Variants in COLEC12 observed in about 807,000 individuals in gnomAD.
COLEC12 encodes the protein collectin-12.
In COLEC12, 33 loss-of-function variants were observed where a neutral mutation model predicts 71.1. The observed-to-expected ratio is 0.46, with a 90% CI of 0.35 to 0.62. The LOEUF is 0.62. Ranked by LOEUF, COLEC12 falls within the 20% of genes least tolerant of loss-of-function variation. COLEC12 has a pLI of 0.00. For synonymous variants in COLEC12, 350 were observed against 353.0 expected (o/e 0.99, Z 0.10); for missense variants, 765 against 916.1 (o/e 0.84, Z 2.13).
At chr18:357,198 G>T (rs1485655101) in intron 3 of COLEC12, among the ~76,000 whole-genome samples, 3 of 152,184 alleles carry the variant, frequency 2.0e-5, no homozygotes, top group African/African-American at 7.2e-5. Context: ...TTGCTGAAAT[G>T]AGTCAAAAGG....
At chr18:361,146 G>A (rs1484192930) in intron 2 of COLEC12, among the ~76,000 whole-genome samples, 1 of 152,096 alleles carries the variant, frequency 6.6e-6, no homozygotes, top group Non-Finnish European at 1.5e-5. Context: ...GCTTATTGAT[G>A]TTCACTTACT....
intron 1 of COLEC12, among the ~76,000 whole-genome samples, chr18:494,778 C>G (rs556832151): frequency 1.3e-5 from 2 of 152,272 alleles, no homozygotes; most frequent in South Asian, 2.1e-4. Flanking sequence ...GTGGCTTCTT[C>G]CACAGAGCCA....
At chr18:495,663 C>T (rs1356083809) in intron 1 of COLEC12, among the ~76,000 whole-genome samples, 5 of 152,182 alleles carry the variant, frequency 3.3e-5, no homozygotes, top group Non-Finnish European at 5.9e-5. Flanking sequence ...GTTCTAAGTC[C>T]GGATGATAGC....
chr18:380,969 G>A lies in COLEC12; in HGVS notation c.59-23447C>T, dbSNP rs376923444. Among the ~76,000 whole-genome samples the A allele has an allele frequency of 1.1e-4, 17 of 152,244 alleles. No individual in the cohort carries two copies. The South Asian group carries it at 1.9e-3, about 17-fold the overall frequency. ...CGGCCCCTGATGAGTGGTTCTATCTGGAGAGCCATATATTATTTCCATAGA... is the reference window on the plus strand; with the variant it reads ...CGGCCCCTGATGAGTGGTTCTATCTAGAGAGCCATATATTATTTCCATAGA... On this transcript the variant is annotated intron_variant, in intron 2 of 9. Transcript: ENST00000400256.
chr18:422,403 A>G (rs1916115971), intron 2 of COLEC12, among the ~76,000 whole-genome samples: 1 of 152,164 alleles, frequency 6.6e-6, no homozygotes, highest in Non-Finnish European at 1.5e-5. Flanking sequence ...CAAATGTTTG[A>G]GTATAATTTT....
At chr18:430,030 G>C (rs1222008501) in intron 2 of COLEC12, among the ~76,000 whole-genome samples, 1 of 152,130 alleles carries the variant, frequency 6.6e-6, no homozygotes, top group Non-Finnish European at 1.5e-5. Flanking sequence ...TATGGAATTT[G>C]CTCAATAAAT....
chr18:365,846 G>A (rs1346654495), intron 2 of COLEC12, among the ~76,000 whole-genome samples: 2 of 152,122 alleles, frequency 1.3e-5, no homozygotes, highest in East Asian at 1.9e-4. Context: ...CGGGAGGGGC[G>A]CTGGCTGTCA....
At chr18:450,593 C>A (rs1916742013) in intron 2 of COLEC12, among the ~76,000 whole-genome samples, 1 of 152,192 alleles carries the variant, frequency 6.6e-6, no homozygotes, top group Non-Finnish European at 1.5e-5. Context: ...AATTAAACCT[C>A]TTTTCTTTAT....
intron 2 of COLEC12, among the ~76,000 whole-genome samples, chr18:368,861 G>A (rs542522442): frequency 1.9e-4 from 29 of 152,224 alleles, no homozygotes; most frequent in African/African-American, 5.3e-4. Flanking sequence ...GCGAGACTCC[G>A]TCTCAAAAAC....
intron 2 of COLEC12, among the ~76,000 whole-genome samples, chr18:441,111 G>GC (rs1916517409): frequency 7.6e-6 from 1 of 132,078 alleles, no homozygotes; most frequent in African/African-American, 2.7e-5. Context: ...GGCCAGGCGT[G>GC]GTGGCGGGCG....
At position 399,638 on chromosome 18, in the gene COLEC12, A is replaced by G. The variant is rs1210749020; in HGVS notation, c.59-42116T>C. On this transcript the variant is annotated intron_variant, in intron 2 of 9. Transcript: ENST00000400256. This position sits in a 1 kb window ranked among gnomAD's most constrained non-coding sequence, Gnocchi z 4.0. ...TGGCAGGTTATTTGCTTGAGTTTTAATCTGAGTTAAAATGCAGCCGCTTTG... is the reference window on the plus strand; with the variant it reads ...TGGCAGGTTATTTGCTTGAGTTTTAGTCTGAGTTAAAATGCAGCCGCTTTG... Among the ~76,000 whole-genome samples, 2 of 152,138 alleles carry G rather than the reference A, an allele frequency of 1.3e-5. No individual in the cohort carries two copies. Among genetic ancestry groups the G allele is most frequent in the Non-Finnish European group, 2.9e-5 (2 of 68,024 alleles).
chr18:347,460 A>T, intron 4 of COLEC12, 119 bp from the exon 5 acceptor site: 1 of 775,956 alleles, frequency 1.3e-6, no homozygotes, highest in East Asian at 2.5e-5. Context: ...AATTGGCAGT[A>T]TAAGCGGACA....
At chr18:418,019 G>C (rs546406842) in intron 2 of COLEC12, among the ~76,000 whole-genome samples, 2 of 152,204 alleles carry the variant, frequency 1.3e-5, no homozygotes, top group Non-Finnish European at 2.9e-5. Context: ...CAAGAAGCCA[G>C]GGTGAGGGAG....
chr18:382,065 T>C (rs1915244737), intron 2 of COLEC12, among the ~76,000 whole-genome samples: 1 of 152,192 alleles, frequency 6.6e-6, no homozygotes, highest in African/African-American at 2.4e-5. Flanking sequence ...TGCCCTGCTA[T>C]AGTCATCTGC....
chr18:481,447 G>A (rs907767008), intron 1 of COLEC12, among the ~76,000 whole-genome samples: 3 of 152,238 alleles, frequency 2.0e-5, no homozygotes, highest in Non-Finnish European at 4.4e-5. Flanking sequence ...GCTCATGGCT[G>A]TAATCCCAGG....
chr18:384,770 C>T (rs1450766646), intron 2 of COLEC12, among the ~76,000 whole-genome samples: 1 of 152,156 alleles, frequency 6.6e-6, no homozygotes, highest in Admixed American at 6.5e-5. Flanking sequence ...AATGGTTTGT[C>T]ATGGACTAAT....
At chr18:355,568 C>T (rs664427) in intron 3 of COLEC12, among the ~76,000 whole-genome samples, 102,684 of 152,128 alleles carry the variant, frequency 0.67, 35,519 homozygotes, top group African/African-American at 0.79. Flanking sequence ...ATAAATGTCC[C>T]AGACTTTATT....
intron 5 of COLEC12, among the ~76,000 whole-genome samples, chr18:340,992 C>A (rs670075): frequency 6.6e-6 from 1 of 152,048 alleles, no homozygotes; most frequent in African/African-American, 2.4e-5. Flanking sequence ...CCAGTCATGC[C>A]GTCTTGTTTG....
rs558759374 is a variant in COLEC12 at position 449,006 on chromosome 18, C to G, written c.58+31701G>C. 7.2e-4 allele frequency among the ~76,000 whole-genome samples: 110 copies of G among 151,952 alleles called. 1 individual carries two copies. The South Asian group carries it at 0.022, about 31-fold the overall frequency. ...TTTTCTATTCCCAAAGAAATGACAC[C>G]CAGCGGGGAAAGGGGAATAAATACT... On this transcript the variant is annotated intron_variant, in intron 2 of 9. Coordinates refer to ENST00000400256, the MANE Select transcript of COLEC12 (RefSeq NM_130386.3).
Sources: gnomAD v4.1 joint callset for allele counts (sites outside exome capture counted in the v4.1 genomes callset) on GRCh38, gnomAD v4.1.1 for gene constraint, Gnocchi (gnomAD v3.1) non-coding constraint, MANE v1.5 for transcripts, NCBI Gene and HGNC (gene_info 2026-07-23, HGNC 2026-07-21) for gene names.